Variants in KLF16 observed in about 807,000 individuals in gnomAD.
KLF16 encodes KLF transcription factor 16, also known as Krueppel-like factor 16.
A neutral mutation model predicts 6.1 loss-of-function variants in KLF16; 6 were observed. That is an observed-to-expected ratio of 0.98 (90% CI 0.54 to 1.93). The LOEUF (loss-of-function observed/expected upper bound fraction) is 1.93. Among genes scored for constraint, KLF16 ranks in the 30% most tolerant of loss-of-function variants. The pLI is 0.01. For missense variants in KLF16, 355 were observed against 363.8 expected (o/e 0.98, Z 0.20); for synonymous variants, 211 against 176.5 (o/e 1.20, Z -1.55).
intron 1 of KLF16, chr19:1,860,123 G>GA (rs1238008860): frequency 2.0e-5 from 3 of 151,248 alleles, no homozygotes; most frequent in East Asian, 3.9e-4. Context: ...CCGGGGGCGG[G>GA]GGGGGGGCCC....
chr19:1,863,061 G>A lies in KLF16; in HGVS notation c.437C>T (p.Ser146Leu). The A allele has an allele frequency of 6.4e-6, 9 of 1,408,108 alleles. No individual in the cohort carries two copies. The highest frequency in any genetic ancestry group is 5.6e-6 in the Non-Finnish European group (6 of 1,062,518). The allele number at this position is 1,408,108 out of a possible 1,614,324, so 87.2% of individuals were successfully genotyped here. Residue 146 changes from serine to leucine, a missense_variant, in exon 1 of 2, where the codon TCG (serine) becomes TTG (leucine). Physicochemically the swap from Ser to Leu is moderately radical, Grantham distance 145 (BLOSUM62 -2). Transcript: ENST00000250916. ...CTCACCTGTGTGCGTCCGCAGGTGCGACTTTAGGTGCGAGGACTTGTAGTA... is the reference window on the plus strand; with the variant it reads ...CTCACCTGTGTGCGTCCGCAGGTGCAACTTTAGGTGCGAGGACTTGTAGTA... ...KAYYKSSHLK[S>L]HLRTHTGERP...
At chr19:1,860,754 G>A (rs1034929507) in intron 1 of KLF16, among the ~76,000 whole-genome samples, 1 of 152,158 alleles carries the variant, frequency 6.6e-6, no homozygotes, top group Admixed American at 6.5e-5. Flanking sequence ...TGAAAAACCA[G>A]ACCACCTTCC....
At chr19:1,875,048 A>T in the KLF16 span, 2 of 152,228 alleles carry the variant, frequency 1.3e-5, no homozygotes, top group Non-Finnish European at 2.9e-5. Flanking sequence ...CACGCCTACC[A>T]GGTCTGCAAA....
chr19:1,858,543 G>T (rs1421634582), intron 1 of KLF16, among the ~76,000 whole-genome samples: 1 of 152,188 alleles, frequency 6.6e-6, no homozygotes, highest in African/African-American at 2.4e-5. Flanking sequence ...CACAGGCCTG[G>T]TATACAGCAG....
chr19:1,855,304 C>T (rs995222812), intron 1 of KLF16, among the ~76,000 whole-genome samples: 4 of 152,244 alleles, frequency 2.6e-5, no homozygotes, highest in Non-Finnish European at 5.9e-5. Flanking sequence ...ACCTCCCTAA[C>T]CCTCCTGGCC....
chr19:1,861,861 T>C (rs1302952407), intron 1 of KLF16: 1 of 152,298 alleles, frequency 6.6e-6, no homozygotes, highest in Non-Finnish European at 1.5e-5. Context: ...CCCACCACTC[T>C]GGACGGCCCA....
intron 1 of KLF16, among the ~76,000 whole-genome samples, chr19:1,860,650 G>A (rs538653322): frequency 6.6e-6 from 1 of 152,292 alleles, no homozygotes; most frequent in South Asian, 2.1e-4. Flanking sequence ...TTCAGGGACA[G>A]CCCTGCAATG....
chr19:1,859,750 G>C (rs1019614145), intron 1 of KLF16, among the ~76,000 whole-genome samples: 2 of 152,160 alleles, frequency 1.3e-5, no homozygotes, highest in Non-Finnish European at 2.9e-5. Flanking sequence ...GTCCTGGGGC[G>C]CGGGGACTGG....
intron 1 of KLF16, among the ~76,000 whole-genome samples, chr19:1,859,060 G>T (rs1015491685): frequency 6.6e-6 from 1 of 151,976 alleles, no homozygotes; most frequent in African/African-American, 2.4e-5. Flanking sequence ...GGTGGGGGAG[G>T]GCAGTCCCTG....
chr19:1,860,262 C>T (rs2012037958), intron 1 of KLF16: 1 of 152,314 alleles, frequency 6.6e-6, no homozygotes, highest in Non-Finnish European at 1.5e-5. Context: ...CCACAGCTTC[C>T]AAAGTCCTTC....
chr19:1,856,319 G>C (rs989389639), intron 1 of KLF16, among the ~76,000 whole-genome samples: 1 of 152,092 alleles, frequency 6.6e-6, no homozygotes, highest in Non-Finnish European at 1.5e-5. Flanking sequence ...GGGCACCAGC[G>C]ATCACCCGTG....
intron 1 of KLF16, among the ~76,000 whole-genome samples, chr19:1,855,610 G>A (rs2011934167): frequency 6.6e-6 from 1 of 152,236 alleles, no homozygotes; most frequent in African/African-American, 2.4e-5. Context: ...GGGCCTGCCT[G>A]TGCGCCTCCA....
the KLF16 span, among the ~76,000 whole-genome samples, chr19:1,869,866 G>A: frequency 6.6e-6 from 1 of 151,902 alleles, no homozygotes; most frequent in Non-Finnish European, 1.5e-5. Flanking sequence ...TCCTGCTTTG[G>A]CCTCCCAAAG....
chr19:1,869,827 G>C, the KLF16 span, among the ~76,000 whole-genome samples: 3 of 152,010 alleles, frequency 2.0e-5, no homozygotes, highest in African/African-American at 7.2e-5. Flanking sequence ...TGTCCAGGCT[G>C]ATCTCCAACT....
intron 1 of KLF16, among the ~76,000 whole-genome samples, chr19:1,862,445 C>T (rs1320126711): frequency 1.3e-5 from 2 of 152,136 alleles, no homozygotes; most frequent in Admixed American, 6.5e-5. Context: ...CGCCCAGACT[C>T]AGGCCCCAAC....
At chr19:1,862,951 C>T (rs1207745876) in intron 1 of KLF16, 90 bp downstream of exon 1, 9 of 786,856 alleles carry the variant, frequency 1.1e-5, no homozygotes, top group African/African-American at 1.9e-5. Context: ...CCCTCCCCGC[C>T]CCCCACGCGC....
intron 1 of KLF16, among the ~76,000 whole-genome samples, chr19:1,859,092 A>G (rs1280769771): frequency 1.5e-5 from 2 of 132,660 alleles, no homozygotes; most frequent in African/African-American, 5.8e-5. Context: ...CCCACCCCCT[A>G]TGGCCTGGCA....
the KLF16 span, among the ~76,000 whole-genome samples, chr19:1,872,115 C>T: frequency 1.3e-5 from 2 of 152,156 alleles, no homozygotes; most frequent in African/African-American, 2.4e-5. Flanking sequence ...TGAACAGGGT[C>T]AGACAGGTGG....
At chr19:1,876,332 G>C in the KLF16 span, among the ~76,000 whole-genome samples, 2 of 152,238 alleles carry the variant, frequency 1.3e-5, no homozygotes, top group Non-Finnish European at 2.9e-5. Context: ...CCGCCTGGTC[G>C]CGCGACACAG....
Sources: gnomAD v4.1 joint callset for allele counts (sites outside exome capture counted in the v4.1 genomes callset) on GRCh38, gnomAD v4.1.1 for gene constraint, MANE v1.5 for transcripts, NCBI Gene and HGNC (gene_info 2026-07-23, HGNC 2026-07-21) for gene names.